The following NRK variants were observed in gnomAD, a reference collection of about 807,000 sequenced individuals.
NRK encodes the protein nik-related protein kinase.
Under a neutral mutation model 125.2 loss-of-function variants are expected in NRK, and 67 were observed. The ratio of observed to expected loss-of-function variants is 0.54; its 90% CI spans 0.44 to 0.66. NRK has a LOEUF of 0.66. Among genes scored for constraint, NRK ranks in the 30% least tolerant of loss-of-function variants. The pLI is 0.00. For missense variants in NRK, 1,224 were observed against 1,192.9 expected, an observed-to-expected ratio of 1.03 and a Z score of -0.38; for synonymous variants, 458 against 429.0, an observed-to-expected ratio of 1.07 and a Z score of -0.84.
rs762193496 is a variant in NRK, at chrX:105,834,968, T to G, written c.123+3849T>G. Among the ~76,000 whole-genome samples the G allele has an allele frequency of 6.3e-5, 7 of 111,996 alleles. No individual in the cohort carries two copies. In the South Asian group the frequency reaches 2.2e-3, roughly 35 times the overall value. ...GCATTTCATGCATTAATCATAGTTA[T>G]GTTAAATTCTCTGTCTGATGGATTC... On this transcript the variant is annotated intron_variant, in intron 2 of 28. Coordinates refer to ENST00000243300, the MANE Select transcript of NRK (RefSeq NM_198465.4).
chrX:105,889,845 C>A (rs961718021), intron 5 of NRK, among the ~76,000 whole-genome samples: 2 of 112,042 alleles, frequency 1.8e-5, no homozygotes, highest in Non-Finnish European at 3.8e-5. Context: ...CCCATGAAAC[C>A]ATTTTTTTTC....
chrX:105,920,636 T>C (rs1271349131), intron 16 of NRK, among the ~76,000 whole-genome samples: 1 of 110,134 alleles, frequency 9.1e-6, no homozygotes, highest in African/African-American at 3.3e-5. Flanking sequence ...ATTTACAAGA[T>C]AAAAACAAAC....
In NRK at chrX:105,923,287, G is replaced by A. The variant is rs193030679; in HGVS notation, c.2780G>A (p.Ser927Asn). Residue 927 changes from serine to asparagine, a missense_variant, in exon 18 of 29, where the codon AGT becomes AAT. Physicochemically the swap from Ser to Asn is conservative, Grantham distance 46. Coordinates refer to ENST00000243300, the MANE Select transcript of NRK (RefSeq NM_198465.4). ...DGDYVELYDA[S>N]ADTDGDDDDE... ...GATTATGTTGAACTCTATGATGCCA[G>A]TGCTGATACTGATGGTGATGATGAT... The A allele has an allele frequency of 2.5e-6, 3 of 1,195,857 alleles. No homozygotes were observed. Among genetic ancestry groups the A allele is most frequent in the Admixed American group, 2.2e-5 (1 of 45,230 alleles).
At chrX:105,869,973 G>T (rs1482934473) in intron 2 of NRK, among the ~76,000 whole-genome samples, 1 of 110,558 alleles carries the variant, frequency 9.0e-6, no homozygotes, top group Non-Finnish European at 1.9e-5. Flanking sequence ...AAACCTGTTT[G>T]CTTACGGAGG....
intron 2 of NRK, among the ~76,000 whole-genome samples, chrX:105,844,672 T>C (rs1192943612): frequency 1.8e-5 from 2 of 111,514 alleles, no homozygotes; most frequent in East Asian, 5.7e-4. Context: ...CTTTTTTGAA[T>C]CTGGCAGTGG....
At chrX:105,859,060 G>C (rs2039568702) in intron 2 of NRK, among the ~76,000 whole-genome samples, 1 of 111,449 alleles carries the variant, frequency 9.0e-6, no homozygotes, top group Non-Finnish European at 1.9e-5. Context: ...CACCTTAAAA[G>C]AGTAAAGATT....
intron 16 of NRK, among the ~76,000 whole-genome samples, chrX:105,917,956 A>G (rs1395065788): frequency 1.8e-5 from 2 of 110,863 alleles, no homozygotes; most frequent in Non-Finnish European, 3.8e-5. Context: ...AGGTTTCTAT[A>G]CCACGTAAGA....
intron 3 of NRK, among the ~76,000 whole-genome samples, chrX:105,880,903 G>A (rs2039876499): frequency 9.0e-6 from 1 of 111,147 alleles, no homozygotes; most frequent in African/African-American, 3.3e-5. Flanking sequence ...CATAGAAAAG[G>A]TCAAAAAAAT....
chrX:105,942,227 T>A (rs1734381983), intron 23 of NRK, among the ~76,000 whole-genome samples: 1 of 111,997 alleles, frequency 8.9e-6, no homozygotes, highest in Non-Finnish European at 1.9e-5. Flanking sequence ...TTTTGGCTAT[T>A]AAAAATAATG....
Position 105,909,499 on chromosome X carries a change from C to T in NRK, c.1858C>T (p.Pro620Ser). The change falls in exon 13 of 29, where the codon CCT becomes TCT. Residue 620 changes from proline to serine, a missense_variant. Transcript: ENST00000243300. ...AGTAGAGGGGCAAACTGAAGGATCACCTCAGGCACAGGCTTGGACACTAGA... is the reference window on the plus strand; with the variant it reads ...AGTAGAGGGGCAAACTGAAGGATCATCTCAGGCACAGGCTTGGACACTAGA... ...IPVEGQTEGS[P>S]QAQAWTLEPP... is the part of the protein sequence containing the mutation. The T allele has an allele frequency of 1.7e-6, 2 of 1,210,577 alleles. No homozygotes were observed. The highest frequency in any genetic ancestry group is 1.8e-5 in the South Asian group (1 of 56,807).
chrX:105,940,175 G>T, intron 23 of NRK, 143 bp downstream of exon 23: 1 of 435,093 alleles, frequency 2.3e-6, no homozygotes, highest in Non-Finnish European at 3.9e-6. Flanking sequence ...GTTCAGGGTG[G>T]TATGGCTATA....
intron 15 of NRK, 111 bp downstream of exon 15, chrX:105,915,908 A>C (rs930329568): frequency 2.3e-6 from 1 of 433,542 alleles, no homozygotes; most frequent in Admixed American, 3.5e-5. Context: ...ATCCGTGACA[A>C]CATCATCACC....
chrX:105,898,959 G>C (rs1395993684), intron 8 of NRK, among the ~76,000 whole-genome samples: 4 of 111,344 alleles, frequency 3.6e-5, no homozygotes, highest in Non-Finnish European at 5.6e-5. Flanking sequence ...AGAATGTGTG[G>C]TTTATGTTGC....
chrX:105,849,498 C>T (rs891074913), intron 2 of NRK, among the ~76,000 whole-genome samples: 1 of 111,505 alleles, frequency 9.0e-6, no homozygotes, highest in Non-Finnish European at 1.9e-5. Flanking sequence ...GTCCGTAGTC[C>T]CGTATTAACT....
chrX:105,958,312 A>G lies in NRK; in HGVS notation c.*2712A>G, dbSNP rs1260454596. 8.9e-6 allele frequency: 1 copy of G among 112,231 alleles called. No homozygotes were observed. The highest frequency in any genetic ancestry group is 1.9e-5 in the Non-Finnish European group (1 of 53,240). 9.2% of individuals were successfully genotyped at this position (112,231 alleles called of 1,213,427 possible). ...GAATCACATGTGCACACACACATAC[A>G]CATGTAAACATTGGAATGCATAAGT... On this transcript the variant is annotated 3_prime_UTR_variant, in exon 29 of 29. Coordinates refer to ENST00000243300, the MANE Select transcript of NRK (RefSeq NM_198465.4).
chrX:105,953,000 G>A (rs765976048), intron 27 of NRK, 34 bp from the exon 28 acceptor site: 131 of 1,066,517 alleles, frequency 1.2e-4, no homozygotes, highest in Non-Finnish European at 1.6e-4. Flanking sequence ...GAAAGATTTT[G>A]TGTTTTTCTG....
In NRK at chrX:105,905,379, A is replaced by T. The variant is rs765499094; in HGVS notation, c.845+36A>T. 6.0e-6 allele frequency: 6 copies of T among 992,735 alleles called. No individual in the cohort carries two copies. In the Admixed American group the frequency reaches 1.4e-4, roughly 23 times the overall value. 81.8% of individuals were successfully genotyped at this position (992,735 alleles called of 1,213,427 possible). On this transcript the variant is annotated intron_variant, in intron 10 of 28. Transcript: ENST00000243300. The stretch of plus-strand genomic sequence containing the variant: ...ATGTCTTAATCTCCTAATTACATTG[A>T]CTTGACATTTTTATGTTAGCAAAGA...
chrX:105,927,538 A>G (rs183928683), intron 19 of NRK, among the ~76,000 whole-genome samples: 160 of 111,106 alleles, frequency 1.4e-3, no homozygotes, highest in Non-Finnish European at 2.0e-3. Flanking sequence ...GTGAAAGTGG[A>G]TATTTTTGTC....
chrX:105,880,901 A>G (rs2039876437), intron 3 of NRK, among the ~76,000 whole-genome samples: 1 of 111,500 alleles, frequency 9.0e-6, no homozygotes, highest in African/African-American at 3.3e-5. Context: ...AACATAGAAA[A>G]GGTCAAAAAA....
Sources: gnomAD v4.1 joint callset for allele counts (sites outside exome capture counted in the v4.1 genomes callset) on GRCh38, gnomAD v4.1.1 for gene constraint, MANE v1.5 for transcripts, NCBI Gene and HGNC (gene_info 2026-07-23, HGNC 2026-07-21) for gene names.